WDR7: variants seen among roughly 807,000 people sequenced by gnomAD.
The protein encoded by WDR7 is WD repeat-containing protein 7.
Under a neutral mutation model 169.4 loss-of-function variants are expected in WDR7, and 46 were observed. The ratio of observed to expected loss-of-function variants is 0.27; its 90% confidence interval spans 0.21 to 0.35. WDR7 has a LOEUF of 0.35. WDR7 is among the 10% of genes least tolerant of loss of function. The pLI, the probability that WDR7 is intolerant of heterozygous loss-of-function variation, is 1.00. For missense variants in WDR7, 1,534 were observed against 1,859.3 expected (o/e 0.83, Z 3.22); for synonymous variants, 612 against 666.8 (o/e 0.92, Z 1.27).
At chr18:57,036,247 G>T in the WDR7 span, 4 of 152,252 alleles carry the variant, frequency 2.6e-5, no homozygotes, top group African/African-American at 4.8e-5. Flanking sequence ...GAAGGCAGGG[G>T]ACACTGTGGT....
In WDR7 at chr18:56,704,481, G is replaced by A. The variant is rs1004873415; in HGVS notation, c.1578+8019G>A. On this transcript the variant is annotated intron_variant, in intron 12 of 27. Transcript: ENST00000254442. ...TTGAGCCCTGGAGTTCAAGGCTGCAGTGAGGCATGATTGCGCCATTACACT... is the reference window on the plus strand; with the variant it reads ...TTGAGCCCTGGAGTTCAAGGCTGCAATGAGGCATGATTGCGCCATTACACT... 7.2e-5 allele frequency among the ~76,000 whole-genome samples: 11 copies of A among 152,282 alleles called. 2 individuals are homozygous for A. In the East Asian group the frequency reaches 2.1e-3, roughly 29 times the overall value.
At chr18:56,924,953 A>G (rs1187595350) in intron 22 of WDR7, among the ~76,000 whole-genome samples, 3 of 152,176 alleles carry the variant, frequency 2.0e-5, no homozygotes, top group African/African-American at 4.8e-5. Context: ...CCACTTCAAC[A>G]GGCCCTGGCA....
intron 19 of WDR7, among the ~76,000 whole-genome samples, chr18:56,784,870 T>C (rs2044372670): frequency 6.6e-6 from 1 of 152,128 alleles, no homozygotes; most frequent in South Asian, 2.1e-4. Context: ...ATATATTAGC[T>C]AAATGCTGGC....
intron 20 of WDR7, among the ~76,000 whole-genome samples, chr18:56,868,022 G>C (rs1030467425): frequency 2.0e-5 from 3 of 151,998 alleles, no homozygotes; most frequent in African/African-American, 7.2e-5. Context: ...AAAAAAATTT[G>C]CCAAATAACA....
chr18:56,971,977 A>G (rs1287822918), intron 26 of WDR7, among the ~76,000 whole-genome samples: 1 of 152,250 alleles, frequency 6.6e-6, no homozygotes, highest in East Asian at 1.9e-4. Flanking sequence ...TGTTGTAAAC[A>G]AAGTTACATA....
chr18:56,714,000 G>A (rs954401211), intron 12 of WDR7, among the ~76,000 whole-genome samples: 2 of 152,148 alleles, frequency 1.3e-5, no homozygotes, highest in Non-Finnish European at 2.9e-5. Flanking sequence ...AATGTTGCTT[G>A]AATAGTCTTT....
intron 27 of WDR7, among the ~76,000 whole-genome samples, chr18:57,025,962 G>T (rs1380247999): frequency 2.0e-5 from 3 of 152,210 alleles, no homozygotes; most frequent in East Asian, 1.9e-4. Context: ...CGAGATGGAG[G>T]TTATACTGGA....
At chr18:56,971,033 A>G (rs1224611919) in intron 26 of WDR7, among the ~76,000 whole-genome samples, 1 of 152,152 alleles carries the variant, frequency 6.6e-6, no homozygotes, top group African/African-American at 2.4e-5. Flanking sequence ...GCACTTTGGG[A>G]GGCCAAGGCA....
At chr18:56,968,275 A>G (rs770897307) in intron 26 of WDR7, among the ~76,000 whole-genome samples, 1 of 152,238 alleles carries the variant, frequency 6.6e-6, no homozygotes, top group Admixed American at 6.5e-5. Flanking sequence ...TAGATGCACA[A>G]TGCAATGCAT....
intron 14 of WDR7, among the ~76,000 whole-genome samples, chr18:56,739,583 C>T (rs888409641): frequency 9.9e-5 from 15 of 152,054 alleles, no homozygotes; most frequent in South Asian, 2.1e-4. Flanking sequence ...TTTTCTTCCT[C>T]GAAAGAACTA....
At chr18:56,881,277 T>C in intron 21 of WDR7, among the ~76,000 whole-genome samples, 1 of 152,338 alleles carries the variant, frequency 6.6e-6, no homozygotes, top group East Asian at 1.9e-4. Flanking sequence ...AACGTTTAAA[T>C]TTAAACAATA....
At chr18:56,726,442 G>A (rs908811672) in intron 13 of WDR7, among the ~76,000 whole-genome samples, 2 of 152,096 alleles carry the variant, frequency 1.3e-5, no homozygotes, top group Non-Finnish European at 2.9e-5. Context: ...CTCATGATTT[G>A]GCTCTCTGTT....
At position 56,702,559 on chromosome 18, in the gene WDR7, T is replaced by C. The variant is rs145388689; in HGVS notation, c.1578+6097T>C. On this transcript the variant is annotated intron_variant, in intron 12 of 27. Transcript: ENST00000254442. ...TGTGGTGATATTTTACATGAAACTA[T>C]CCATATTTTCTTAGTTGATTTTCAA... Among the ~76,000 whole-genome samples the C allele has an allele frequency of 1.1e-3, 172 of 152,300 alleles. No homozygotes were observed. In the East Asian group the frequency reaches 0.032, roughly 28 times the overall value.
chr18:56,935,932 ATCT>A, intron 23 of WDR7, 27 bp downstream of exon 23: 1 of 1,579,306 alleles, frequency 6.3e-7, no homozygotes, highest in Non-Finnish European at 8.7e-7. Context: ...AGTGTGCTCC[ATCT>A]TCTCATTTAG....
At chr18:56,968,547 C>G (rs959716744) in intron 26 of WDR7, among the ~76,000 whole-genome samples, 1 of 152,192 alleles carries the variant, frequency 6.6e-6, no homozygotes, top group Non-Finnish European at 1.5e-5. Flanking sequence ...TAAACCATTA[C>G]AGGCCTGACA....
At chr18:56,985,907 G>A (rs1177002955) in intron 26 of WDR7, among the ~76,000 whole-genome samples, 1 of 151,978 alleles carries the variant, frequency 6.6e-6, no homozygotes, top group Admixed American at 6.6e-5. Context: ...ATTAACTGCT[G>A]TTACTATAGG....
At chr18:56,769,103 T>C (rs1201131406) in intron 16 of WDR7, among the ~76,000 whole-genome samples, 2 of 152,224 alleles carry the variant, frequency 1.3e-5, no homozygotes, top group Non-Finnish European at 2.9e-5. Flanking sequence ...TGACACTTGA[T>C]TTTGCGGTTT....
intron 12 of WDR7, among the ~76,000 whole-genome samples, chr18:56,708,066 C>T (rs1373287349): frequency 1.4e-5 from 2 of 142,772 alleles, no homozygotes; most frequent in Non-Finnish European, 3.0e-5. Flanking sequence ...CAGAGTCTTG[C>T]TCTGTCATCC....
chr18:56,884,284 TG>T (rs1301396860), intron 21 of WDR7, among the ~76,000 whole-genome samples: 1 of 152,242 alleles, frequency 6.6e-6, no homozygotes, highest in African/African-American at 2.4e-5. Context: ...TTCATATGTT[TG>T]TTGGCCATTT....
Sources: allele counts gnomAD v4.1 joint callset (sites outside exome capture counted in the v4.1 genomes callset), GRCh38; gene constraint gnomAD v4.1.1; transcripts MANE v1.5; gene names NCBI Gene and HGNC (gene_info 2026-07-23, HGNC 2026-07-21).